The following IMMP2L variants were observed in gnomAD, a reference collection of about 807,000 sequenced individuals.
IMMP2L encodes inner mitochondrial membrane peptidase subunit 2.
A neutral mutation model predicts 19.3 loss-of-function variants in IMMP2L; 18 were observed. The ratio of observed to expected loss-of-function variants is 0.93; its 90% CI spans 0.64 to 1.38. The LOEUF is 1.38. Among genes scored for constraint, IMMP2L ranks in the 40% most tolerant of loss-of-function variants. IMMP2L has a pLI of 0.00. For missense variants in IMMP2L, 233 were observed against 218.2 expected, an observed-to-expected ratio of 1.07 and a Z score of -0.43; for synonymous variants, 76 against 73.0, an observed-to-expected ratio of 1.04 and a Z score of -0.21.
At chr7:111,392,692 C>T (rs976560455) in intron 3 of IMMP2L, 4 of 451,946 alleles carry the variant, frequency 8.9e-6, no homozygotes, top group African/African-American at 4.0e-5. Context: ...AGGTTACACA[C>T]ACTTCTGTCC....
At chr7:111,273,967 C>T (rs1818748860) in intron 3 of IMMP2L, among the ~76,000 whole-genome samples, 1 of 152,084 alleles carries the variant, frequency 6.6e-6, no homozygotes, top group Non-Finnish European at 1.5e-5. Context: ...AAACTAATAA[C>T]TTGCCTACAG....
In IMMP2L at chr7:111,099,341, A is replaced by G. The variant is rs1437010197; in HGVS notation, c.240-135776T>C. Among the ~76,000 whole-genome samples, 3 of 151,714 alleles carry G rather than the reference A, an allele frequency of 2.0e-5. No homozygotes were observed. In the East Asian group the frequency reaches 5.8e-4, roughly 29 times the overall value. ...ATGAAAATAGTCTGAATACAATTTCATTGCTACTATGAGCATCAATTTTCA... is the reference window on the plus strand; with the variant it reads ...ATGAAAATAGTCTGAATACAATTTCGTTGCTACTATGAGCATCAATTTTCA... On this transcript the variant is annotated intron_variant, in intron 3 of 5. Transcript: ENST00000405709.
intron 5 of IMMP2L, among the ~76,000 whole-genome samples, chr7:110,668,904 T>C (rs1056995313): frequency 6.6e-6 from 1 of 151,982 alleles, no homozygotes; most frequent in African/African-American, 2.4e-5. Flanking sequence ...ATAGTGAATA[T>C]AGAAAGATAA....
intron 3 of IMMP2L, among the ~76,000 whole-genome samples, chr7:110,967,796 A>G (rs773134939): frequency 1.4e-4 from 22 of 152,090 alleles, no homozygotes; most frequent in Non-Finnish European, 1.6e-4. Context: ...TTAAAAATAT[A>G]TGTTTTTCTA....
chr7:111,217,155 C>CACACACACAA (rs1486402897), intron 3 of IMMP2L, among the ~76,000 whole-genome samples: 16 of 151,350 alleles, frequency 1.1e-4, no homozygotes, highest in African/African-American at 3.9e-4. Flanking sequence ...CACACACACA[C>CACACACACAA]ACACAATATG....
chr7:111,530,255 G>C (rs1370008515), intron 1 of IMMP2L, among the ~76,000 whole-genome samples: 2 of 152,058 alleles, frequency 1.3e-5, no homozygotes, highest in African/African-American at 2.4e-5. Context: ...TTTGTGTAAA[G>C]AAAATGACTA....
At chr7:110,789,136 C>T (rs931585833) in intron 5 of IMMP2L, among the ~76,000 whole-genome samples, 1 of 151,760 alleles carries the variant, frequency 6.6e-6, no homozygotes, top group Non-Finnish European at 1.5e-5. Flanking sequence ...GAAGACACTT[C>T]CAGATAATTC....
intron 3 of IMMP2L, among the ~76,000 whole-genome samples, chr7:111,211,263 C>T (rs376264773): frequency 9.2e-5 from 14 of 152,102 alleles, no homozygotes; most frequent in African/African-American, 3.4e-4. Context: ...AAGGAGTTAA[C>T]GTGGAGGGCA....
chr7:111,376,304 G>C (rs1830673619), intron 3 of IMMP2L, among the ~76,000 whole-genome samples: 1 of 151,972 alleles, frequency 6.6e-6, no homozygotes, highest in South Asian at 2.1e-4. Flanking sequence ...CACATAAAAA[G>C]ATGTTCCACA....
chr7:110,831,333 C>T (rs974503047), intron 5 of IMMP2L, among the ~76,000 whole-genome samples: 3 of 152,120 alleles, frequency 2.0e-5, no homozygotes, highest in African/African-American at 2.4e-5. Context: ...ATTGCCCCCT[C>T]CCCTAGAAAC....
chr7:111,270,057 C>CTG (rs58848663), intron 3 of IMMP2L, among the ~76,000 whole-genome samples: 30,388 of 140,496 alleles, frequency 0.22, 3,098 homozygotes, highest in Non-Finnish European at 0.25. Flanking sequence ...GCATGTGTGT[C>CTG]TGTGTGTGTG....
chr7:111,022,488 A>C (rs1826384870), intron 3 of IMMP2L, among the ~76,000 whole-genome samples: 1 of 152,198 alleles, frequency 6.6e-6, no homozygotes, highest in Non-Finnish European at 1.5e-5. Context: ...GACCCCAAGA[A>C]GTGTTAGGAA....
At chr7:110,821,065 C>T (rs1346727795) in intron 5 of IMMP2L, among the ~76,000 whole-genome samples, 1 of 151,662 alleles carries the variant, frequency 6.6e-6, no homozygotes, top group Non-Finnish European at 1.5e-5. Context: ...TATACACTAA[C>T]TCATTTAACT....
chr7:111,270,414 G>A (rs1467873474), intron 3 of IMMP2L, among the ~76,000 whole-genome samples: 1 of 152,056 alleles, frequency 6.6e-6, no homozygotes, highest in Non-Finnish European at 1.5e-5. Context: ...TCCTAGGACT[G>A]AAGAGTCTAA....
intron 3 of IMMP2L, among the ~76,000 whole-genome samples, chr7:111,376,250 G>A (rs1830668429): frequency 6.6e-6 from 1 of 151,892 alleles, no homozygotes; most frequent in South Asian, 2.1e-4. Flanking sequence ...AAGTAAAAAA[G>A]CCCCATAATC....
intron 3 of IMMP2L, among the ~76,000 whole-genome samples, chr7:111,250,906 G>C (rs2129632068): frequency 6.6e-6 from 1 of 152,200 alleles, no homozygotes; most frequent in East Asian, 1.9e-4. Context: ...TTGACAAATG[G>C]GATCTAATCA....
chr7:111,079,413 G>A (rs1301371353), intron 3 of IMMP2L, among the ~76,000 whole-genome samples: 9 of 152,142 alleles, frequency 5.9e-5, no homozygotes, highest in East Asian at 3.9e-4. Context: ...CACCGCGCCC[G>A]GCCTAATTTT....
chr7:110,928,011 T>C (rs1286799755), intron 4 of IMMP2L, among the ~76,000 whole-genome samples: 1 of 152,016 alleles, frequency 6.6e-6, no homozygotes, highest in African/African-American at 2.4e-5. Context: ...TTTTGTATAC[T>C]ATCTCAAATC....
intron 5 of IMMP2L, among the ~76,000 whole-genome samples, chr7:110,751,182 T>A (rs1797693830): frequency 1.3e-5 from 2 of 150,374 alleles, no homozygotes; most frequent in African/African-American, 2.4e-5. Flanking sequence ...AAAAAAAAAA[T>A]CATGTGTAAG....
Sources: gnomAD v4.1 joint callset for allele counts (sites outside exome capture counted in the v4.1 genomes callset) on GRCh38, gnomAD v4.1.1 for gene constraint, MANE v1.5 for transcripts, NCBI Gene and HGNC (gene_info 2026-07-23, HGNC 2026-07-21) for gene names.